Variants in MMP16 observed in about 807,000 individuals in gnomAD.
MMP16 encodes matrix metallopeptidase 16.
MMP16 carries 12 observed loss-of-function variants against 67.8 expected under a neutral mutation model. That is an observed-to-expected ratio of 0.18 (90% confidence interval 0.11 to 0.29). The LOEUF is 0.29. Ranked by LOEUF, MMP16 falls within the 10% of genes least tolerant of loss-of-function variation. MMP16 has a pLI of 1.00. For missense variants in MMP16, 475 were observed against 765.7 expected (o/e 0.62, Z 4.48); for synonymous variants, 249 against 255.9 (o/e 0.97, Z 0.26).
chr8:88,227,332 T>G (rs1477654418), intron 1 of MMP16, among the ~76,000 whole-genome samples: 1 of 152,098 alleles, frequency 6.6e-6, no homozygotes, highest in Admixed American at 6.6e-5. Context: ...CATTACATAT[T>G]TCACAAAAGA....
At chr8:88,201,885 TAA>T (rs1809350267) in intron 1 of MMP16, among the ~76,000 whole-genome samples, 1 of 152,120 alleles carries the variant, frequency 6.6e-6, no homozygotes, top group Non-Finnish European at 1.5e-5. Context: ...TTACTGGTTT[TAA>T]AAAGTGGCAG....
intron 6 of MMP16, among the ~76,000 whole-genome samples, chr8:88,087,981 ATATATC>A (rs1306714354): frequency 4.0e-5 from 6 of 149,432 alleles, no homozygotes; most frequent in South Asian, 2.1e-4. Flanking sequence ...GTACATACAT[ATATATC>A]TATATCTATC....
chr8:88,133,713 A>C (rs1808071548), intron 4 of MMP16, among the ~76,000 whole-genome samples: 1 of 151,804 alleles, frequency 6.6e-6, no homozygotes, highest in South Asian at 2.1e-4. Context: ...ATTAAATACA[A>C]CACTTAGAAC....
chr8:88,222,573 C>T (rs1809701051), intron 1 of MMP16, among the ~76,000 whole-genome samples: 1 of 152,046 alleles, frequency 6.6e-6, no homozygotes, highest in African/African-American at 2.4e-5. Context: ...TTTGACAAAC[C>T]TGACAAAAAC....
intron 4 of MMP16, among the ~76,000 whole-genome samples, chr8:88,139,573 C>G (rs1300196612): frequency 6.6e-6 from 1 of 152,070 alleles, no homozygotes. Flanking sequence ...TTCCACAAAA[C>G]ATGGGAAAAG....
chr8:88,253,277 G>T (rs1281068002), intron 1 of MMP16, among the ~76,000 whole-genome samples: 1 of 151,888 alleles, frequency 6.6e-6, no homozygotes, highest in African/African-American at 2.4e-5. Context: ...TTATCCTAGG[G>T]GTAGAACATA....
At chr8:88,141,565 C>A (rs1235717164) in intron 4 of MMP16, among the ~76,000 whole-genome samples, 2 of 152,126 alleles carry the variant, frequency 1.3e-5, no homozygotes, top group Non-Finnish European at 2.9e-5. Context: ...GTTTCACTTT[C>A]CTCATCTGTA....
intron 1 of MMP16, among the ~76,000 whole-genome samples, chr8:88,282,601 C>T (rs1447924081): frequency 6.6e-6 from 1 of 152,142 alleles, no homozygotes; most frequent in Non-Finnish European, 1.5e-5. Flanking sequence ...TAAATGAACA[C>T]AATGTCTTTG....
chr8:88,276,273 C>G (rs769535568), intron 1 of MMP16, among the ~76,000 whole-genome samples: 1 of 151,968 alleles, frequency 6.6e-6, no homozygotes, highest in Non-Finnish European at 1.5e-5. Flanking sequence ...TCTTATATAC[C>G]TAAATTGTAA....
chr8:88,160,591 T>C (rs982644842), intron 4 of MMP16, among the ~76,000 whole-genome samples: 4 of 152,076 alleles, frequency 2.6e-5, no homozygotes, highest in African/African-American at 7.2e-5. Context: ...AGATACCACC[T>C]CGCACCAGTT....
At chr8:88,102,888 G>C (rs1321418979) in intron 6 of MMP16, among the ~76,000 whole-genome samples, 1 of 151,786 alleles carries the variant, frequency 6.6e-6, no homozygotes, top group Non-Finnish European at 1.5e-5. Context: ...CTTCTTACCA[G>C]TTCCACCCCC....
chr8:88,164,079 G>GCCTAAGACA (rs959159934), intron 4 of MMP16, among the ~76,000 whole-genome samples: 1 of 152,078 alleles, frequency 6.6e-6, no homozygotes, highest in African/African-American at 2.4e-5. Context: ...GTTACTGGCA[G>GCCTAAGACA]CCTAAGACAC....
intron 1 of MMP16, among the ~76,000 whole-genome samples, chr8:88,268,566 A>C (rs987915374): frequency 6.6e-6 from 1 of 152,284 alleles, no homozygotes; most frequent in African/African-American, 2.4e-5. Flanking sequence ...AAAGAGATAA[A>C]ACAGAGGTTT....
At chr8:88,061,360 A>AC (rs939794416) in intron 7 of MMP16, among the ~76,000 whole-genome samples, 21 of 152,012 alleles carry the variant, frequency 1.4e-4, no homozygotes, top group African/African-American at 4.8e-4. Context: ...GACTTATTGC[A>AC]CCCTTTCCTT....
At chr8:88,118,127 C>T (rs1809467396) in intron 5 of MMP16, among the ~76,000 whole-genome samples, 1 of 151,980 alleles carries the variant, frequency 6.6e-6, no homozygotes, top group Non-Finnish European at 1.5e-5. Context: ...TATTAATAAA[C>T]TTCACCACTT....
intron 1 of MMP16, among the ~76,000 whole-genome samples, chr8:88,210,863 C>T (rs1433783293): frequency 2.0e-5 from 3 of 152,126 alleles, no homozygotes; most frequent in African/African-American, 4.8e-5. Context: ...GTAAACAACA[C>T]ACCAAGAGCT....
intron 2 of MMP16, among the ~76,000 whole-genome samples, chr8:88,187,008 C>G (rs975875339): frequency 6.6e-6 from 1 of 152,082 alleles, no homozygotes; most frequent in African/African-American, 2.4e-5. Context: ...AAAGATTATT[C>G]TAATCTATTA....
At chr8:88,121,240 A>C (rs978336537) in intron 4 of MMP16, among the ~76,000 whole-genome samples, 1 of 152,028 alleles carries the variant, frequency 6.6e-6, no homozygotes, top group Admixed American at 6.6e-5. Context: ...GGGTGGAGTC[A>C]TTCCTTGTCT....
intron 3 of MMP16, among the ~76,000 whole-genome samples, chr8:88,174,157 A>C (rs74626379): frequency 0.035 from 5,261 of 152,278 alleles, 304 homozygotes; most frequent in African/African-American, 0.12. Flanking sequence ...AAACAAGCGG[A>C]GCTAAAGGAT....
Sources: allele counts gnomAD v4.1 joint callset (sites outside exome capture counted in the v4.1 genomes callset), GRCh38; gene constraint gnomAD v4.1.1; transcripts MANE v1.5; gene names NCBI Gene and HGNC (gene_info 2026-07-23, HGNC 2026-07-21).